The following GRID1 variants were observed in gnomAD, a reference collection of about 807,000 sequenced individuals.
GRID1 encodes the protein glutamate receptor ionotropic, delta-1.
In GRID1, 28 loss-of-function variants were observed where a neutral mutation model predicts 98.0. That is an observed-to-expected ratio of 0.29 (90% confidence interval 0.21 to 0.39). The LOEUF (loss-of-function observed/expected upper bound fraction) is 0.39, where lower values mean the gene tolerates loss of function less well. Among genes scored for constraint, GRID1 ranks in the 10% least tolerant of loss-of-function variants. GRID1 has a pLI of 1.00. For synonymous variants in GRID1, 553 were observed against 538.5 expected (o/e 1.03, Z -0.37); for missense variants, 1,111 against 1,340.5 (o/e 0.83, Z 2.67).
At chr10:86,004,749 C>CACACACAA (rs1554845802) in intron 4 of GRID1, among the ~76,000 whole-genome samples, 23 of 151,376 alleles carry the variant, frequency 1.5e-4, no homozygotes, top group South Asian at 8.3e-4. Context: ...CTCACACACA[C>CACACACAA]ACACACACAG....
At chr10:86,233,342 A>G (rs1226679862) in intron 2 of GRID1, among the ~76,000 whole-genome samples, 1 of 152,208 alleles carries the variant, frequency 6.6e-6, no homozygotes, top group Non-Finnish European at 1.5e-5. Flanking sequence ...GGTGTCTGCT[A>G]ATTGACATCA....
intron 4 of GRID1, among the ~76,000 whole-genome samples, chr10:85,932,973 TC>T: frequency 6.6e-6 from 1 of 152,138 alleles, no homozygotes; most frequent in African/African-American, 2.4e-5. Context: ...TTCGAATGTA[TC>T]CCCAAAAAAA....
rs1590232113 is a variant in GRID1 at position 85,787,558 on chromosome 10, T to C, written c.1234-57944A>G. 2.0e-5 allele frequency among the ~76,000 whole-genome samples: 3 copies of C among 152,282 alleles called. No individual in the cohort carries two copies. In the East Asian group the frequency reaches 5.8e-4, roughly 29 times the overall value. ...ATCCTGGGAGGGAACAACAAGGGGC[T>C]GATGTCGTGGGTGTCTCCTGCCCAG... is the stretch of plus-strand genomic sequence containing the variant. On this transcript the variant is annotated intron_variant, in intron 8 of 15. Coordinates refer to ENST00000327946, the MANE Select transcript of GRID1 (RefSeq NM_017551.3).
intron 4 of GRID1, among the ~76,000 whole-genome samples, chr10:86,002,233 C>T (rs986229242): frequency 1.3e-5 from 2 of 152,136 alleles, no homozygotes; most frequent in African/African-American, 2.4e-5. Context: ...CCTAAAATAC[C>T]GACATTTCAT....
intron 5 of GRID1, among the ~76,000 whole-genome samples, chr10:85,913,948 C>T (rs1353889927): frequency 6.6e-6 from 1 of 152,214 alleles, no homozygotes; most frequent in Non-Finnish European, 1.5e-5. Flanking sequence ...CATCCATGTG[C>T]ACTGCCGGGC....
Position 85,734,784 on chromosome 10 carries a change from T to C in GRID1, c.1234-5170A>G, listed in dbSNP as rs372745022. On this transcript the variant is annotated intron_variant, in intron 8 of 15. Transcript: ENST00000327946. ...AAGAGTGGTAAACCTCCATCATTACTGGTCAAGGCCATCCGTCTGCAATCC... is the reference window on the plus strand; with the variant it reads ...AAGAGTGGTAAACCTCCATCATTACCGGTCAAGGCCATCCGTCTGCAATCC... 7.9e-5 allele frequency among the ~76,000 whole-genome samples: 12 copies of C among 152,304 alleles called. No homozygotes were observed. The South Asian group carries it at 1.2e-3, about 16-fold the overall frequency.
intron 4 of GRID1, among the ~76,000 whole-genome samples, chr10:85,991,637 G>A (rs1204675898): frequency 6.6e-6 from 1 of 152,204 alleles, no homozygotes; most frequent in Admixed American, 6.5e-5. Context: ...AAGCAAATGT[G>A]TCAGGAGGCA....
intron 13 of GRID1, among the ~76,000 whole-genome samples, chr10:85,641,698 T>C (rs1038230075): frequency 2.0e-5 from 3 of 152,206 alleles, no homozygotes; most frequent in Non-Finnish European, 4.4e-5. Flanking sequence ...AAAGTATGAA[T>C]GCATGTAAAT....
intron 2 of GRID1, among the ~76,000 whole-genome samples, chr10:86,333,272 C>T (rs1848175258): frequency 6.6e-6 from 1 of 152,262 alleles, no homozygotes; most frequent in South Asian, 2.1e-4. Context: ...AAAACCCCAA[C>T]TAAAGTGTCT....
chr10:86,106,484 T>G (rs1329786904), intron 4 of GRID1, among the ~76,000 whole-genome samples: 4 of 149,114 alleles, frequency 2.7e-5, no homozygotes, highest in African/African-American at 9.9e-5. Context: ...GGGAGGGGCC[T>G]GCTTCAGGTG....
chr10:85,875,275 C>T (rs576998819), intron 5 of GRID1, among the ~76,000 whole-genome samples: 1 of 152,100 alleles, frequency 6.6e-6, no homozygotes, highest in African/African-American at 2.4e-5. Flanking sequence ...TCTAGTAACA[C>T]ATCTTGCCTT....
chr10:86,366,441 G>A lies in GRID1; in HGVS notation c.-49C>T, dbSNP rs1848682089. On this transcript the variant is annotated 5_prime_UTR_variant, in exon 1 of 16. Coordinates refer to ENST00000327946, the MANE Select transcript of GRID1 (RefSeq NM_017551.3). The surrounding 1 kb of genome is among the most constrained non-coding windows in gnomAD (Gnocchi z 4.1). ...CACCCGGGCCCGGGGCGAGGCCGAG[G>A]GCAGCGCGAAGCGGGGAGGCGCTGG... 7.3e-7 allele frequency: 1 copy of A among 1,366,226 alleles called. No individual in the cohort carries two copies. The highest frequency in any genetic ancestry group is 9.8e-7 in the Non-Finnish European group (1 of 1,023,200). 84.6% of individuals were successfully genotyped at this position (1,366,226 alleles called of 1,614,324 possible).
intron 3 of GRID1, among the ~76,000 whole-genome samples, chr10:86,161,327 A>G (rs1845319535): frequency 6.6e-6 from 1 of 152,116 alleles, no homozygotes; most frequent in African/African-American, 2.4e-5. Flanking sequence ...GGGTGGTGTA[A>G]GAGGGAAGAC....
At chr10:85,957,002 C>G (rs1477196067) in intron 4 of GRID1, among the ~76,000 whole-genome samples, 1 of 152,158 alleles carries the variant, frequency 6.6e-6, no homozygotes, top group Non-Finnish European at 1.5e-5. Flanking sequence ...GCAAACACAT[C>G]CTTCTTCACA....
chr10:85,749,470 A>T (rs928235545), intron 8 of GRID1, among the ~76,000 whole-genome samples: 2 of 152,188 alleles, frequency 1.3e-5, no homozygotes, highest in African/African-American at 4.8e-5. Context: ...CTCTAAAAAT[A>T]ACAGTCTAGC....
chr10:85,822,258 G>T (rs1292222916), intron 8 of GRID1, among the ~76,000 whole-genome samples: 1 of 152,266 alleles, frequency 6.6e-6, no homozygotes, highest in East Asian at 1.9e-4. Flanking sequence ...GCAACCTACA[G>T]AATGGGAGAA....
chr10:86,164,801 G>A (rs1589393913), intron 3 of GRID1, among the ~76,000 whole-genome samples: 1 of 152,078 alleles, frequency 6.6e-6, no homozygotes, highest in South Asian at 2.1e-4. Flanking sequence ...CAATGTAGTC[G>A]GCCCTACACT....
intron 8 of GRID1, among the ~76,000 whole-genome samples, chr10:85,835,936 T>C (rs183487494): frequency 1.3e-5 from 2 of 152,166 alleles, no homozygotes; most frequent in African/African-American, 4.8e-5. Flanking sequence ...ACCTAAGCCA[T>C]AAATCAAATA....
intron 4 of GRID1, among the ~76,000 whole-genome samples, chr10:85,932,290 C>T (rs1020943443): frequency 6.6e-6 from 1 of 152,220 alleles, no homozygotes; most frequent in East Asian, 1.9e-4. Context: ...TGGCTCAATG[C>T]AGTCTTGACA....
Sources: gnomAD v4.1 joint callset for allele counts (sites outside exome capture counted in the v4.1 genomes callset) on GRCh38, gnomAD v4.1.1 for gene constraint, Gnocchi (gnomAD v3.1) non-coding constraint, MANE v1.5 for transcripts, NCBI Gene and HGNC (gene_info 2026-07-23, HGNC 2026-07-21) for gene names.